DOT1L: variants seen among roughly 807,000 people sequenced by gnomAD.
The protein encoded by DOT1L is DOT1 like histone lysine methyltransferase.
Under a neutral mutation model 153.3 loss-of-function variants are expected in DOT1L, and 33 were observed. The observed-to-expected ratio is 0.22, with a 90% confidence interval of 0.16 to 0.29. The LOEUF (loss-of-function observed/expected upper bound fraction) is 0.29. Ranked by LOEUF, DOT1L falls within the 10% of genes least tolerant of loss-of-function variation. DOT1L has a pLI of 1.00. For synonymous variants in DOT1L, 1,135 were observed against 965.1 expected (o/e 1.18, Z -3.26); for missense variants, 1,847 against 2,119.9 (o/e 0.87, Z 2.53).
Position 2,213,259 on chromosome 19 carries a change from T to G in DOT1L, c.1558-280T>G, listed in dbSNP as rs142358187. ...ATAAACTCCTTGGCATTGGCCGGCC[T>G]CTGCGTGGCTGGGGGCGCTGCCCTG... is the stretch of plus-strand genomic sequence containing the variant. On this transcript the variant is annotated intron_variant, in intron 16 of 27. Transcript: ENST00000398665. The G allele has an allele frequency of 4.7e-3, 1,761 of 376,438 alleles. 8 individuals are homozygous for G. The highest frequency in any genetic ancestry group is 7.1e-3 in the Admixed American group (165 of 23,204). The allele number at this position is 376,438 out of a possible 1,614,324, so 23.3% of individuals were successfully genotyped here. A position where few individuals can be genotyped will look rare whatever the true frequency, so the allele number is the denominator to read the frequency against.
chr19:2,169,062 G>A (rs2020031226), intron 1 of DOT1L, among the ~76,000 whole-genome samples: 1 of 152,198 alleles, frequency 6.6e-6, no homozygotes, highest in Non-Finnish European at 1.5e-5. Flanking sequence ...TGGGCGGGCA[G>A]GGGCGGCCTC....
intron 27 of DOT1L, chr19:2,229,449 G>A: frequency 1.0e-6 from 1 of 985,468 alleles, no homozygotes. Context: ...CAGCCTGGCG[G>A]GTCAATGCGG....
At chr19:2,225,298 G>A (rs2024280683) in intron 25 of DOT1L, 90 bp from the exon 26 acceptor site, 6 of 1,311,546 alleles carry the variant, frequency 4.6e-6, no homozygotes, top group Admixed American at 1.7e-5. Context: ...CACCACCTCC[G>A]GAGCTCCCTG....
At chr19:2,166,253 C>T (rs1297713594) in intron 1 of DOT1L, among the ~76,000 whole-genome samples, 2 of 151,428 alleles carry the variant, frequency 1.3e-5, no homozygotes, top group African/African-American at 4.9e-5. Context: ...TGCGCCACCA[C>T]ACCCTGCTAA....
rs776599555 is a variant in DOT1L at position 2,227,012 on chromosome 19, G to C, written c.4491G>C (p.Leu1497=). ...CCGGCTCCTCCGTGCTGCAGTCGCTGTTCAGCTCTGTGCCGGCCGCCGCAG... is the reference window on the plus strand; with the variant it reads ...CCGGCTCCTCCGTGCTGCAGTCGCTCTTCAGCTCTGTGCCGGCCGCCGCAG... ...SVAGSSVLQS[L]FSSVPAAAGL... Residue 1497 remains leucine, a synonymous_variant, in exon 27 of 28, where the codon CTG becomes CTC. Transcript: ENST00000398665. 1 of 1,591,182 alleles carries C rather than the reference G, an allele frequency of 6.3e-7. No individual in the cohort carries two copies. Among genetic ancestry groups the C allele is most frequent in the Non-Finnish European group, 8.5e-7 (1 of 1,176,072 alleles).
intron 20 of DOT1L, 80 bp downstream of exon 20, chr19:2,216,845 A>C: frequency 6.4e-7 from 1 of 1,554,812 alleles, no homozygotes; most frequent in Non-Finnish European, 8.7e-7. Flanking sequence ...TCGGGTTCTC[A>C]GCAGGAGTGT....
At chr19:2,167,000 A>T (rs2019946956) in intron 1 of DOT1L, among the ~76,000 whole-genome samples, 1 of 152,160 alleles carries the variant, frequency 6.6e-6, no homozygotes, top group Non-Finnish European at 1.5e-5. Flanking sequence ...CAGGCGGCCA[A>T]ATCCGTGTTG....
chr19:2,177,299 AT>A (rs879317899), intron 1 of DOT1L, among the ~76,000 whole-genome samples: 95 of 146,034 alleles, frequency 6.5e-4, no homozygotes, highest in Middle Eastern at 3.6e-3. Context: ...CGCAGGAACA[AT>A]TTTTTTTTTT....
Position 2,222,636 on chromosome 19 carries a change from C to T in DOT1L, c.3390+77C>T, listed in dbSNP as rs2024168892. On this transcript the variant is annotated intron_variant, in intron 24 of 27. Transcript: ENST00000398665. This position sits in a 1 kb window ranked among gnomAD's most constrained non-coding sequence, Gnocchi z 6.5. ...CAGAGGGAGACCGGGCGCGGTGGCT[C>T]ACGCCTGTAATCCCAGCATTTTGGG... The T allele has an allele frequency of 3.6e-6, 5 of 1,379,536 alleles. No individual in the cohort carries two copies. The highest frequency in any genetic ancestry group is 3.8e-6 in the Non-Finnish European group (4 of 1,042,120). The allele number at this position is 1,379,536 out of a possible 1,614,324, so 85.5% of individuals were successfully genotyped here.
rs2024169611 is a variant in DOT1L at position 2,222,649 on chromosome 19, C to G, written c.3390+90C>G. On this transcript the variant is annotated intron_variant, in intron 24 of 27. Transcript: ENST00000398665. The surrounding 1 kb of genome is among the most constrained non-coding windows in gnomAD (Gnocchi z 6.5). ...GGCGCGGTGGCTCACGCCTGTAATC[C>G]CAGCATTTTGGGAGGCCGAGGCGGG... 5.3e-6 allele frequency: 7 copies of G among 1,319,830 alleles called. No individual in the cohort carries two copies. Among genetic ancestry groups the G allele is most frequent in the Non-Finnish European group, 7.1e-6 (7 of 991,786 alleles). The allele number at this position is 1,319,830 out of a possible 1,614,324, so 81.8% of individuals were successfully genotyped here. A position where few individuals can be genotyped will look rare whatever the true frequency, so the allele number is the denominator to read the frequency against.
chr19:2,226,803 A>T lies in DOT1L; in HGVS notation c.4282A>T (p.Ile1428Phe), dbSNP rs1272121315. Residue 1428 changes from isoleucine (I) to phenylalanine (F), a missense_variant, in exon 27 of 28, where the codon ATC becomes TTC. Ile to Phe is a conservative substitution (Grantham distance 21, BLOSUM62 0). This residue lies in a region of DOT1L where 934 missense variants were observed against 825.3 expected (regional missense o/e 1.13). Coordinates refer to ENST00000398665, the MANE Select transcript of DOT1L (RefSeq NM_032482.3). Reference protein sequence around the residue: ...VDLKNGHNLFISAAAVPPGSL... With the variant: ...VDLKNGHNLFFSAAAVPPGSL... ...CCTCAAGAATGGCCACAACCTCTTC[A>T]TCTCTGCGGCGGCCGTGCCTCCCGG... is the stretch of plus-strand genomic sequence containing the variant. 1.3e-6 allele frequency: 2 copies of T among 1,579,748 alleles called. No individual in the cohort carries two copies. The highest frequency in any genetic ancestry group is 1.8e-5 in the Admixed American group (1 of 54,542).
chr19:2,189,875 C>T (rs201346710), intron 4 of DOT1L, 80 bp downstream of exon 4: 536 of 1,487,156 alleles, frequency 3.6e-4, no homozygotes, highest in East Asian at 2.7e-3. Flanking sequence ...GTCACCGCCT[C>T]GGGGCACAGA....
Position 2,193,271 on chromosome 19 carries a change from G to T in DOT1L, c.494-418G>T, listed in dbSNP as rs954080087. ...GATCCTGCTCATGAGCCTTCCTGGG[G>T]TGCCATAAGATTTTATCAGCCAGGT... On this transcript the variant is annotated intron_variant, in intron 5 of 27. Coordinates refer to ENST00000398665, the MANE Select transcript of DOT1L (RefSeq NM_032482.3). This position sits in a 1 kb window ranked among gnomAD's most constrained non-coding sequence, Gnocchi z 5.9. Among the ~76,000 whole-genome samples, 1 of 152,192 alleles carries T rather than the reference G, an allele frequency of 6.6e-6. No individual in the cohort carries two copies. The highest frequency in any genetic ancestry group is 1.5e-5 in the Non-Finnish European group (1 of 68,044).
Position 2,190,682 on chromosome 19 carries a change from C to A in DOT1L, c.265-330C>A, listed in dbSNP as rs2022752337. 1.3e-5 allele frequency among the ~76,000 whole-genome samples: 2 copies of A among 151,936 alleles called. No individual in the cohort carries two copies. On this transcript the variant is annotated intron_variant, in intron 4 of 27. Coordinates refer to ENST00000398665, the MANE Select transcript of DOT1L (RefSeq NM_032482.3). The surrounding 1 kb of genome is among the most constrained non-coding windows in gnomAD (Gnocchi z 4.8). The stretch of plus-strand genomic sequence containing the variant: ...GGTCCCTTGGTGTCAGCGCCCCACC[C>A]TGCTGCCTTGGCCCAGAGGAGGGGT...
chr19:2,194,699 G>A, intron 7 of DOT1L, 122 bp downstream of exon 7: 2 of 533,974 alleles, frequency 3.7e-6, no homozygotes, highest in South Asian at 3.0e-5. Context: ...TGTGCCCCCT[G>A]GAGTCCCCTC....
Position 2,176,586 on chromosome 19 carries a change from C to T in DOT1L, c.82-4127C>T, listed in dbSNP as rs529513666. On this transcript the variant is annotated intron_variant, in intron 1 of 27. Transcript: ENST00000398665. ...CTGTGAGTCATCTGGCTCCCAGGAA[C>T]ATTCTCTGTTCCAGTAAGGCCTGCG... Among the ~76,000 whole-genome samples the T allele has an allele frequency of 1.1e-4, 16 of 152,326 alleles. No individual in the cohort carries two copies. In the East Asian group the frequency reaches 3.1e-3, roughly 29 times the overall value.
At chr19:2,181,401 A>G (rs1324873705) in intron 2 of DOT1L, among the ~76,000 whole-genome samples, 1 of 152,286 alleles carries the variant, frequency 6.6e-6, no homozygotes, top group African/African-American at 2.4e-5. Context: ...GCCCGTGCCC[A>G]TGCCCAGCAT....
intron 3 of DOT1L, among the ~76,000 whole-genome samples, chr19:2,188,492 C>A (rs757174519): frequency 1.5e-5 from 2 of 131,444 alleles, no homozygotes; most frequent in African/African-American, 2.9e-5. Flanking sequence ...CCCCCCCCCC[C>A]CCACCCGCAC....
At chr19:2,188,038 G>A (rs1398152817) in intron 3 of DOT1L, among the ~76,000 whole-genome samples, 2 of 152,056 alleles carry the variant, frequency 1.3e-5, no homozygotes, top group Non-Finnish European at 2.9e-5. Context: ...GGCCCGCATG[G>A]TGCCTGCTGG....
Sources: allele counts gnomAD v4.1 joint callset (sites outside exome capture counted in the v4.1 genomes callset), GRCh38; gene constraint gnomAD v4.1.1; regional missense constraint gnomAD v4.1.1; non-coding constraint Gnocchi (gnomAD v3.1); transcripts MANE v1.5; gene names NCBI Gene and HGNC (gene_info 2026-07-23, HGNC 2026-07-21).